EMP2: variants seen among roughly 807,000 people sequenced by gnomAD.
EMP2 encodes epithelial membrane protein 2.
In EMP2, 19 loss-of-function variants were observed where a neutral mutation model predicts 13.7. That is an observed-to-expected ratio of 1.38 (90% confidence interval 0.97 to 2.03). The LOEUF (loss-of-function observed/expected upper bound fraction) is 2.03, where lower values mean the gene tolerates loss of function less well. EMP2 is among the 30% of genes most tolerant of loss of function. The probability of loss-of-function intolerance (pLI) is 0.00; values close to 1 mark genes in which losing one functional copy is unlikely to be tolerated. For missense variants in EMP2, 253 were observed against 220.7 expected (o/e 1.15, Z -0.93); for synonymous variants, 97 against 84.7 (o/e 1.15, Z -0.80).
At chr16:10,534,318 G>A (rs182599984) in intron 4 of EMP2, among the ~76,000 whole-genome samples, 27 of 152,280 alleles carry the variant, frequency 1.8e-4, no homozygotes, top group Admixed American at 1.6e-3. Context: ...TGGAATGAGC[G>A]GAAGTGCTTG....
chr16:10,550,869 G>A (rs975213810), intron 1 of EMP2, among the ~76,000 whole-genome samples: 5 of 152,010 alleles, frequency 3.3e-5, no homozygotes, highest in African/African-American at 4.8e-5. Context: ...CAGGTACTCA[G>A]GAGGCTGAGG....
intron 1 of EMP2, among the ~76,000 whole-genome samples, chr16:10,548,624 G>C (rs932705784): frequency 6.6e-6 from 1 of 152,126 alleles, no homozygotes; most frequent in African/African-American, 2.4e-5. Flanking sequence ...AGCCCAGGAG[G>C]TGGAGGCTGC....
chr16:10,563,621 GACCCCACCT>G (rs2050887655), intron 1 of EMP2, among the ~76,000 whole-genome samples: 1 of 152,164 alleles, frequency 6.6e-6, no homozygotes. Context: ...AGGAAACCAG[GACCCCACCT>G]GGTTAACGTG....
At chr16:10,561,040 G>C (rs2050867770) in intron 1 of EMP2, among the ~76,000 whole-genome samples, 1 of 152,164 alleles carries the variant, frequency 6.6e-6, no homozygotes. Context: ...GGCAAACGTG[G>C]GGAAGCTATT....
intron 1 of EMP2, among the ~76,000 whole-genome samples, chr16:10,565,384 G>A (rs1439711061): frequency 1.3e-5 from 2 of 152,164 alleles, no homozygotes; most frequent in East Asian, 3.9e-4. Flanking sequence ...TGAAGGCCTG[G>A]TAGAACAAAA....
intron 1 of EMP2, among the ~76,000 whole-genome samples, chr16:10,552,748 TA>T (rs1278124286): frequency 6.6e-6 from 1 of 152,190 alleles, no homozygotes; most frequent in Non-Finnish European, 1.5e-5. Flanking sequence ...GTTATGTAAG[TA>T]AAAGGACAGG....
chr16:10,541,691 G>C (rs1053911088), intron 3 of EMP2, among the ~76,000 whole-genome samples: 17 of 152,178 alleles, frequency 1.1e-4, no homozygotes, highest in African/African-American at 4.1e-4. Context: ...TAACAGACGA[G>C]ATGGAAGGGA....
intron 1 of EMP2, among the ~76,000 whole-genome samples, chr16:10,556,677 TG>T (rs1409334130): frequency 2.0e-5 from 3 of 152,226 alleles, no homozygotes; most frequent in Non-Finnish European, 2.9e-5. Flanking sequence ...ACACAGCACA[TG>T]CTGCACAGGA....
Position 10,538,009 on chromosome 16 carries a change from A to T in EMP2, c.235T>A (p.Phe79Ile). 6.2e-7 allele frequency: 1 copy of T among 1,614,118 alleles called. No individual in the cohort carries two copies. The highest frequency in any genetic ancestry group is 8.5e-7 in the Non-Finnish European group (1 of 1,180,012). Residue 79 changes from phenylalanine to isoleucine, a missense_variant, in exon 4 of 5, where the codon TTC becomes ATC. Phe to Ile is a conservative substitution (Grantham distance 21). Coordinates refer to ENST00000359543, the MANE Select transcript of EMP2 (RefSeq NM_001424.6). ...ILSTILCCIA[F>I]FIFVLQLFRL... ...AAGAGCTGGAGCACGAAGATGAAGAAGGCGATGCAGCAGAGAATGGTGGAG... is the reference window on the plus strand; with the variant it reads ...AAGAGCTGGAGCACGAAGATGAAGATGGCGATGCAGCAGAGAATGGTGGAG...
intron 1 of EMP2, among the ~76,000 whole-genome samples, chr16:10,576,128 G>C (rs1363520291): frequency 3.9e-5 from 6 of 151,984 alleles, no homozygotes; most frequent in Non-Finnish European, 8.8e-5. Context: ...AACCCAAGCA[G>C]AAGTATCTGT....
chr16:10,536,237 A>T (rs1321305591), intron 4 of EMP2, among the ~76,000 whole-genome samples: 2 of 151,970 alleles, frequency 1.3e-5, no homozygotes, highest in Non-Finnish European at 2.9e-5. Flanking sequence ...TTTTTATTTT[A>T]TATTGTATTT....
chr16:10,548,860 A>C (rs1431929437), intron 1 of EMP2, among the ~76,000 whole-genome samples: 1 of 152,224 alleles, frequency 6.6e-6, no homozygotes, highest in East Asian at 1.9e-4. Context: ...ACACAGGAAG[A>C]CTATATTTCC....
At chr16:10,553,868 G>C (rs959327342) in intron 1 of EMP2, among the ~76,000 whole-genome samples, 22 of 152,216 alleles carry the variant, frequency 1.4e-4, no homozygotes, top group African/African-American at 5.1e-4. Flanking sequence ...TATATTTAAA[G>C]ATAGATTCCT....
At chr16:10,553,287 C>T (rs558066162) in intron 1 of EMP2, among the ~76,000 whole-genome samples, 1 of 152,356 alleles carries the variant, frequency 6.6e-6, no homozygotes, top group Admixed American at 6.5e-5. Flanking sequence ...CCTGTGCCTC[C>T]TTCCAGAGAT....
chr16:10,564,296 G>GCCTGGCCAACATGGTGAAACCCTGTC (rs2050892369), intron 1 of EMP2, among the ~76,000 whole-genome samples: 4 of 152,054 alleles, frequency 2.6e-5, no homozygotes, highest in Non-Finnish European at 5.9e-5. Flanking sequence ...TTCAAGACCA[G>GCCTGGCCAACATGGTGAAACCCTGTC]CCTGGCCAAC....
chr16:10,558,406 G>C (rs1039278189), intron 1 of EMP2, among the ~76,000 whole-genome samples: 2 of 152,130 alleles, frequency 1.3e-5, no homozygotes, highest in African/African-American at 2.4e-5. Flanking sequence ...ATAACAAAGA[G>C]AATTGACATC....
intron 4 of EMP2, among the ~76,000 whole-genome samples, chr16:10,533,561 G>A (rs2050625056): frequency 6.6e-6 from 1 of 152,198 alleles, no homozygotes; most frequent in African/African-American, 2.4e-5. Flanking sequence ...CAGACAGTAA[G>A]CAGTTTAGGT....
intron 1 of EMP2, among the ~76,000 whole-genome samples, chr16:10,560,646 G>A (rs762248645): frequency 1.3e-4 from 20 of 152,202 alleles, no homozygotes; most frequent in Non-Finnish European, 2.4e-4. Flanking sequence ...GTAAACGGAC[G>A]GATATGACGT....
At chr16:10,542,627 G>C (rs1213034185) in intron 3 of EMP2, among the ~76,000 whole-genome samples, 1 of 152,132 alleles carries the variant, frequency 6.6e-6, no homozygotes, top group African/African-American at 2.4e-5. Context: ...AGTTCTATGA[G>C]GAAAAACAGA....
Sources: allele counts gnomAD v4.1 joint callset (sites outside exome capture counted in the v4.1 genomes callset), GRCh38; gene constraint gnomAD v4.1.1; transcripts MANE v1.5; gene names NCBI Gene and HGNC (gene_info 2026-07-23, HGNC 2026-07-21).